Variants in TRAF3IP1 observed in about 807,000 individuals in gnomAD.
The protein encoded by TRAF3IP1 is intraflagellar transport 54.
In TRAF3IP1, 53 loss-of-function variants were observed where a neutral mutation model predicts 89.9. The ratio of observed to expected loss-of-function variants is 0.59; its 90% CI spans 0.47 to 0.74. The LOEUF (loss-of-function observed/expected upper bound fraction) is 0.74. Ranked by LOEUF, TRAF3IP1 falls within the 30% of genes least tolerant of loss-of-function variation. The pLI is 0.00. For synonymous variants in TRAF3IP1, 311 were observed against 322.1 expected, an observed-to-expected ratio of 0.97 and a Z score of 0.37; for missense variants, 806 against 866.1, an observed-to-expected ratio of 0.93 and a Z score of 0.87.
intron 1 of TRAF3IP1, among the ~76,000 whole-genome samples, chr2:238,323,827 C>G (rs1700250961): frequency 6.6e-6 from 1 of 152,106 alleles, no homozygotes; most frequent in Non-Finnish European, 1.5e-5. Context: ...CTGAGACAAC[C>G]CAGGACCCTG....
At chr2:238,358,678 C>T (rs955408332) in intron 15 of TRAF3IP1, among the ~76,000 whole-genome samples, 14 of 152,186 alleles carry the variant, frequency 9.2e-5, no homozygotes, top group African/African-American at 2.7e-4. Context: ...ATGTCACCCT[C>T]GTGTTGATCT....
At chr2:238,327,250 C>T (rs993527477) in intron 3 of TRAF3IP1, among the ~76,000 whole-genome samples, 4 of 152,244 alleles carry the variant, frequency 2.6e-5, no homozygotes, top group African/African-American at 9.6e-5. Flanking sequence ...CCTCACCCAG[C>T]AACAATGTGG....
rs1697464669 is a variant in TRAF3IP1 at position 238,320,557 on chromosome 2, G to T, written c.-106G>T. On this transcript the variant is annotated 5_prime_UTR_variant, in exon 1 of 17. Coordinates refer to ENST00000373327, the MANE Select transcript of TRAF3IP1 (RefSeq NM_015650.4). ...AAACCGGAGCGGCGCGTCCTGGCAG[G>T]ACCGGGCGGCGGCGGCGGCGGGGCC... 2 of 1,036,882 alleles carry T rather than the reference G, an allele frequency of 1.9e-6. No homozygotes were observed. Among genetic ancestry groups the T allele is most frequent in the Middle Eastern group, 4.6e-4 (1 of 2,178 alleles). 64.2% of individuals were successfully genotyped at this position (1,036,882 alleles called of 1,614,324 possible).
At chr2:238,360,062 A>T (rs1351597115) in intron 15 of TRAF3IP1, among the ~76,000 whole-genome samples, 3 of 152,192 alleles carry the variant, frequency 2.0e-5, no homozygotes, top group Admixed American at 2.0e-4. Context: ...TAACAGGTGG[A>T]TGGTGTGTAC....
intron 3 of TRAF3IP1, among the ~76,000 whole-genome samples, chr2:238,327,370 C>A (rs1697891006): frequency 6.6e-6 from 1 of 152,162 alleles, no homozygotes; most frequent in Admixed American, 6.5e-5. Context: ...TTATCTGTGT[C>A]CCCAGTACAC....
In TRAF3IP1 at chr2:238,397,501, A is replaced by G; in HGVS notation, c.1732A>G (p.Ile578Val). 6 of 1,613,086 alleles carry G rather than the reference A, an allele frequency of 3.7e-6. No individual in the cohort carries two copies. Among genetic ancestry groups the G allele is most frequent in the Non-Finnish European group, 5.1e-6 (6 of 1,179,910 alleles). Residue 578 changes from isoleucine (I) to valine (V), a missense_variant, in exon 16 of 17, where the codon ATC becomes GTC. Ile to Val is a conservative substitution (Grantham distance 29). Around this residue, in one of 3 missense-constraint regions of TRAF3IP1, gnomAD observed 732 missense variants for 780.5 expected, o/e 0.94. Coordinates refer to ENST00000373327, the MANE Select transcript of TRAF3IP1 (RefSeq NM_015650.4). ...GTCGGCATGGAAGAAGGAGAAGGAC[A>G]TCGTTTCCAAGGAGATAGAGAAGCT... ...FESAWKKEKD[I>V]VSKEIEKLRT...
intron 7 of TRAF3IP1, among the ~76,000 whole-genome samples, chr2:238,334,534 A>T (rs568356320): frequency 6.6e-6 from 1 of 152,322 alleles, no homozygotes; most frequent in Non-Finnish European, 1.5e-5. Flanking sequence ...TGCCTAACAT[A>T]AGAGTGTCAG....
At chr2:238,381,107 T>A (rs1700527849) in intron 15 of TRAF3IP1, among the ~76,000 whole-genome samples, 1 of 141,020 alleles carries the variant, frequency 7.1e-6, no homozygotes, top group Non-Finnish European at 1.6e-5. Context: ...GGTAGGATGC[T>A]TGGGTTTTTT....
intron 15 of TRAF3IP1, among the ~76,000 whole-genome samples, chr2:238,377,540 CTTTA>C (rs1700372716): frequency 6.6e-6 from 1 of 152,072 alleles, no homozygotes; most frequent in African/African-American, 2.4e-5. Flanking sequence ...ATGAAACAGT[CTTTA>C]CATTCCTTGG....
At chr2:238,376,808 G>A (rs980808112) in intron 15 of TRAF3IP1, among the ~76,000 whole-genome samples, 3 of 152,120 alleles carry the variant, frequency 2.0e-5, no homozygotes, top group Non-Finnish European at 2.9e-5. Context: ...TGCTTTAAAC[G>A]TGTCTGTTGA....
chr2:238,329,803 A>T (rs11901547), intron 5 of TRAF3IP1, among the ~76,000 whole-genome samples: 1 of 152,090 alleles, frequency 6.6e-6, no homozygotes, highest in African/African-American at 2.4e-5. Context: ...TTTTCAGATC[A>T]TGAAACACTG....
At chr2:238,323,363 G>A (rs1697657310) in intron 1 of TRAF3IP1, among the ~76,000 whole-genome samples, 1 of 152,196 alleles carries the variant, frequency 6.6e-6, no homozygotes. Context: ...ACAGGTGTGA[G>A]CTACTGTACC....
intron 7 of TRAF3IP1, among the ~76,000 whole-genome samples, chr2:238,336,209 T>C (rs966863636): frequency 6.6e-6 from 1 of 152,228 alleles, no homozygotes; most frequent in Non-Finnish European, 1.5e-5. Context: ...CTGTGTTTAC[T>C]GGTGAGCTTG....
chr2:238,400,033 T>C lies in TRAF3IP1; in HGVS notation c.*1114T>C, dbSNP rs949032285. 3.3e-5 allele frequency: 5 copies of C among 152,258 alleles called. No individual in the cohort carries two copies. The South Asian group carries it at 1.0e-3, about 32-fold the overall frequency. 9.4% of individuals were successfully genotyped at this position (152,258 alleles called of 1,614,324 possible). On this transcript the variant is annotated 3_prime_UTR_variant, in exon 17 of 17. Coordinates refer to ENST00000373327, the MANE Select transcript of TRAF3IP1 (RefSeq NM_015650.4). ...TCCTAATACTTTTAAATAGTGTATT[T>C]ATTATGTAAACTGAGGAGTGCCATT...
chr2:238,394,174 C>T lies in TRAF3IP1; in HGVS notation c.1690-3285C>T, dbSNP rs148159371. ...TCACACAACTGCACTCCAGCCTGGGCGACAGAGTGAGACTCCGTTTCAAAA... is the reference window on the plus strand; with the variant it reads ...TCACACAACTGCACTCCAGCCTGGGTGACAGAGTGAGACTCCGTTTCAAAA... On this transcript the variant is annotated intron_variant, in intron 15 of 16. Coordinates refer to ENST00000373327, the MANE Select transcript of TRAF3IP1 (RefSeq NM_015650.4). 4.5e-4 allele frequency among the ~76,000 whole-genome samples: 68 copies of T among 152,172 alleles called. 1 individual carries two copies. The highest frequency in any genetic ancestry group is 1.5e-3 in the African/African-American group (64 of 41,510).
intron 1 of TRAF3IP1, among the ~76,000 whole-genome samples, chr2:238,324,033 T>C (rs921005428): frequency 6.6e-6 from 1 of 152,178 alleles, no homozygotes; most frequent in African/African-American, 2.4e-5. Flanking sequence ...GCAGAACTTC[T>C]AGTCTTAGCA....
chr2:238,323,795 C>T (rs1360871454), intron 1 of TRAF3IP1, among the ~76,000 whole-genome samples: 1 of 152,138 alleles, frequency 6.6e-6, no homozygotes, highest in South Asian at 2.1e-4. Flanking sequence ...CAGTAACCTA[C>T]CACATTTCAA....
chr2:238,382,709 G>A (rs1259203631), intron 15 of TRAF3IP1, among the ~76,000 whole-genome samples: 2 of 152,050 alleles, frequency 1.3e-5, no homozygotes, highest in Non-Finnish European at 2.9e-5. Flanking sequence ...TGCTGGCTCA[G>A]CATAGGGCAT....
At chr2:238,344,470 G>T in intron 8 of TRAF3IP1, 27 bp from the exon 9 acceptor site, 1 of 1,584,030 alleles carries the variant, frequency 6.3e-7, no homozygotes, top group South Asian at 1.1e-5. Flanking sequence ...CAGTCTTAAT[G>T]ACTAATTTTA....
Sources: allele counts gnomAD v4.1 joint callset (sites outside exome capture counted in the v4.1 genomes callset), GRCh38; gene constraint gnomAD v4.1.1; regional missense constraint gnomAD v4.1.1; transcripts MANE v1.5; gene names NCBI Gene and HGNC (gene_info 2026-07-23, HGNC 2026-07-21).